ADGRL2: variants seen among roughly 807,000 people sequenced by gnomAD.
ADGRL2 encodes adhesion G protein-coupled receptor L2.
A neutral mutation model predicts 157.4 loss-of-function variants in ADGRL2; 44 were observed. That is an observed-to-expected ratio of 0.28 (90% CI 0.22 to 0.36). The LOEUF (loss-of-function observed/expected upper bound fraction) is 0.36, where lower values mean the gene tolerates loss of function less well. ADGRL2 is among the 10% of genes least tolerant of loss of function. The pLI, the probability that ADGRL2 is intolerant of heterozygous loss-of-function variation, is 1.00. For missense variants in ADGRL2, 1,510 were observed against 1,768.9 expected, an observed-to-expected ratio of 0.85 and a Z score of 2.63; for synonymous variants, 585 against 624.7, an observed-to-expected ratio of 0.94 and a Z score of 0.95.
chr1:81,532,489 G>C (rs1406417745), intron 2 of ADGRL2, among the ~76,000 whole-genome samples: 1 of 151,340 alleles, frequency 6.6e-6, no homozygotes, highest in Non-Finnish European at 1.5e-5. Context: ...AATAATATCT[G>C]AGCTGCAGAG....
intron 2 of ADGRL2, chr1:81,502,470 A>G (rs1426484783): frequency 6.2e-7 from 1 of 1,613,896 alleles, no homozygotes; most frequent in African/African-American, 1.3e-5. Flanking sequence ...GTCTTTATGC[A>G]GAAGAGGCGG....
intron 2 of ADGRL2, among the ~76,000 whole-genome samples, chr1:81,523,149 A>G (rs1255145699): frequency 2.0e-5 from 3 of 152,182 alleles, no homozygotes; most frequent in Middle Eastern, 3.2e-3. Context: ...AGAGACCCAT[A>G]CAATGTTCTT....
chr1:81,553,170 A>C (rs2080192254), intron 2 of ADGRL2, among the ~76,000 whole-genome samples: 1 of 152,224 alleles, frequency 6.6e-6, no homozygotes. Flanking sequence ...AAAAATTTTC[A>C]GTATTATTTA....
chr1:81,839,423 G>T (rs2092444496), intron 2 of ADGRL2, among the ~76,000 whole-genome samples: 1 of 151,838 alleles, frequency 6.6e-6, no homozygotes, highest in South Asian at 2.1e-4. Flanking sequence ...GGCACAGGTG[G>T]TATTTGATTA....
chr1:81,718,005 G>A (rs2149107794), intron 1 of ADGRL2, among the ~76,000 whole-genome samples: 1 of 152,230 alleles, frequency 6.6e-6, no homozygotes, highest in East Asian at 1.9e-4. Flanking sequence ...AATTATAAAA[G>A]CACACCTCTC....
At chr1:81,819,993 C>T (rs558731577) in intron 1 of ADGRL2, among the ~76,000 whole-genome samples, 49 of 152,066 alleles carry the variant, frequency 3.2e-4, no homozygotes, top group Admixed American at 4.6e-4. Flanking sequence ...TTTATTGGTA[C>T]GTGGGGAAAT....
Position 81,990,951 on chromosome 1 carries a change from C to G in ADGRL2, c.4216C>G (p.Pro1406Ala). Residue 1406 changes from proline to alanine, a missense_variant, in exon 24 of 24, where the codon CCC becomes GCC. Around this residue, in one of 4 missense-constraint regions of ADGRL2, gnomAD observed 327 missense variants for 310.1 expected, o/e 1.05. Transcript: ENST00000686636. ...SSPDMEEDLS[P>A]SRRSENEDIY... The stretch of plus-strand genomic sequence containing the variant: ...CCCTGACATGGAAGAAGACCTCTCT[C>G]CCTCCAGGAGGAGTGAGAATGAGGA... 6.2e-7 allele frequency: 1 copy of G among 1,614,062 alleles called. No individual in the cohort carries two copies. Among genetic ancestry groups the G allele is most frequent in the Middle Eastern group, 1.7e-4 (1 of 6,058 alleles).
intron 1 of ADGRL2, among the ~76,000 whole-genome samples, chr1:81,324,587 A>G (rs1459873775): frequency 6.6e-6 from 1 of 150,442 alleles, no homozygotes; most frequent in East Asian, 1.9e-4. Context: ...TATGTTAAAA[A>G]TTATATATAC....
At chr1:81,617,271 G>A (rs750972548) in intron 3 of ADGRL2, among the ~76,000 whole-genome samples, 3 of 150,624 alleles carry the variant, frequency 2.0e-5, no homozygotes, top group African/African-American at 4.9e-5. Flanking sequence ...GGTTGCACTC[G>A]TTATGAGAAT....
At chr1:81,854,945 G>A (rs941883873) in intron 2 of ADGRL2, among the ~76,000 whole-genome samples, 18 of 152,152 alleles carry the variant, frequency 1.2e-4, no homozygotes, top group Admixed American at 6.6e-5. Context: ...GATCATGTAG[G>A]TGAGAGATAA....
At chr1:81,550,385 T>C (rs914475017) in intron 2 of ADGRL2, among the ~76,000 whole-genome samples, 10 of 152,164 alleles carry the variant, frequency 6.6e-5, no homozygotes, top group Non-Finnish European at 1.5e-4. Context: ...GCTAGGTCTT[T>C]AATAGAAATT....
chr1:81,562,270 C>A (rs948617965), intron 2 of ADGRL2, among the ~76,000 whole-genome samples: 8 of 152,138 alleles, frequency 5.3e-5, no homozygotes, highest in Middle Eastern at 3.4e-3. Flanking sequence ...GAGGCTCTTC[C>A]GTAGCTGAGA....
At chr1:81,790,377 A>T (rs2087275018) in intron 2 of ADGRL2, among the ~76,000 whole-genome samples, 1 of 152,184 alleles carries the variant, frequency 6.6e-6, no homozygotes, top group South Asian at 2.1e-4. Context: ...AATAACACAC[A>T]CACACAAACA....
intron 1 of ADGRL2, among the ~76,000 whole-genome samples, chr1:81,730,521 G>A (rs974172581): frequency 2.6e-5 from 4 of 152,056 alleles, no homozygotes; most frequent in African/African-American, 4.8e-5. Context: ...TCAGGAGTTC[G>A]CGACCAGCCT....
chr1:81,795,558 A>AT (rs2087546031), upstream of ADGRL2, among the ~76,000 whole-genome samples: 1 of 152,196 alleles, frequency 6.6e-6, no homozygotes, highest in Non-Finnish European at 1.5e-5. Flanking sequence ...GTGTTATATA[A>AT]TTGTATATTT....
intron 6 of ADGRL2, among the ~76,000 whole-genome samples, chr1:81,945,691 A>C (rs1169613666): frequency 6.6e-6 from 1 of 152,080 alleles, no homozygotes. Context: ...GAAAATGAGA[A>C]GCTTCGGCAG....
intron 2 of ADGRL2, among the ~76,000 whole-genome samples, chr1:81,892,149 T>A (rs748804213): frequency 7.2e-5 from 11 of 152,060 alleles, no homozygotes; most frequent in Non-Finnish European, 1.6e-4. Context: ...AATGAAGAGA[T>A]TGGGGACTGA....
chr1:81,569,939 A>T (rs1193269440), intron 2 of ADGRL2, among the ~76,000 whole-genome samples: 4 of 152,190 alleles, frequency 2.6e-5, no homozygotes, highest in Non-Finnish European at 4.4e-5. Context: ...GGGTATTGGC[A>T]GGGTGCCTAA....
chr1:81,721,627 G>A (rs574305084), intron 1 of ADGRL2: 3 of 720,368 alleles, frequency 4.2e-6, no homozygotes, highest in South Asian at 3.2e-5. Flanking sequence ...GTGCGGTCAC[G>A]CCAAGCCAGC....
Sources: gnomAD v4.1 joint callset for allele counts (sites outside exome capture counted in the v4.1 genomes callset) on GRCh38, gnomAD v4.1.1 for gene constraint, gnomAD v4.1.1 regional missense constraint, MANE v1.5 for transcripts, NCBI Gene and HGNC (gene_info 2026-07-23, HGNC 2026-07-21) for gene names.